The following ZBTB7C variants were observed in gnomAD, a reference collection of about 807,000 sequenced individuals.
ZBTB7C encodes the protein zinc finger and BTB domain containing 7C.
ZBTB7C carries 8 observed loss-of-function variants against 25.7 expected under a neutral mutation model. The ratio of observed to expected loss-of-function variants is 0.31; its 90% confidence interval spans 0.18 to 0.56. The LOEUF (loss-of-function observed/expected upper bound fraction) is 0.56. Among genes scored for constraint, ZBTB7C ranks in the 20% least tolerant of loss-of-function variants. The probability of loss-of-function intolerance (pLI) is 0.91; values close to 1 mark genes in which losing one functional copy is unlikely to be tolerated. For synonymous variants in ZBTB7C, 394 were observed against 369.0 expected, an observed-to-expected ratio of 1.07 and a Z score of -0.78; for missense variants, 824 against 855.2, an observed-to-expected ratio of 0.96 and a Z score of 0.46.
chr18:48,351,280 G>C (rs1456512806), intron 1 of ZBTB7C, among the ~76,000 whole-genome samples: 1 of 152,096 alleles, frequency 6.6e-6, no homozygotes, highest in Non-Finnish European at 1.5e-5. Context: ...GGAAGCCCTT[G>C]AGGATTGCTG....
At chr18:48,158,482 T>C (rs1019279887) in intron 3 of ZBTB7C, among the ~76,000 whole-genome samples, 3 of 152,034 alleles carry the variant, frequency 2.0e-5, no homozygotes, top group Non-Finnish European at 4.4e-5. Flanking sequence ...TCCCTGGTCC[T>C]TAATGTTCTC....
chr18:48,341,720 A>T (rs2046606264), intron 1 of ZBTB7C, among the ~76,000 whole-genome samples: 1 of 152,208 alleles, frequency 6.6e-6, no homozygotes, highest in African/African-American at 2.4e-5. Context: ...AGTTGGTCTA[A>T]TTCACCCATC....
At position 48,362,050 on chromosome 18, in the gene ZBTB7C, C is replaced by T. The variant is rs113764470; in HGVS notation, c.-303-23652G>A. ...CCATCACAGGGAAGGCAGGCTTGGG[C>T]ATGTCTCCTAGCAGATGAAGTGACT... On this transcript the variant is annotated intron_variant, in intron 1 of 4. Transcript: ENST00000590800. Among the ~76,000 whole-genome samples, 1,101 of 152,296 alleles carry T rather than the reference C, an allele frequency of 7.2e-3. 14 individuals carry two copies. The highest frequency in any genetic ancestry group is 0.025 in the African/African-American group (1,048 of 41,562).
chr18:48,076,220 A>C (rs1383977717), intron 3 of ZBTB7C, among the ~76,000 whole-genome samples: 1 of 152,198 alleles, frequency 6.6e-6, no homozygotes. Context: ...CTGTGACCTG[A>C]CTTTAGTTTT....
At chr18:48,142,776 G>C (rs990812690) in intron 3 of ZBTB7C, among the ~76,000 whole-genome samples, 13 of 146,666 alleles carry the variant, frequency 8.9e-5, no homozygotes, top group African/African-American at 3.3e-4. Context: ...AGGGGAGGCA[G>C]ATTCCCTCTT....
intron 3 of ZBTB7C, among the ~76,000 whole-genome samples, chr18:48,135,888 G>A (rs1473911253): frequency 1.3e-5 from 2 of 152,252 alleles, no homozygotes; most frequent in Non-Finnish European, 2.9e-5. Flanking sequence ...AGTCGCTGGA[G>A]TGGGGCTTCC....
intron 2 of ZBTB7C, among the ~76,000 whole-genome samples, chr18:48,215,031 A>G (rs1384584443): frequency 1.3e-5 from 2 of 152,228 alleles, no homozygotes; most frequent in African/African-American, 4.8e-5. Context: ...AAAACTCACA[A>G]TGTCACTAGT....
chr18:48,367,202 T>TATATATATATATATATATATATATAC (rs1302394192), intron 1 of ZBTB7C, among the ~76,000 whole-genome samples: 1 of 63,396 alleles, frequency 1.6e-5, no homozygotes, highest in African/African-American at 6.2e-5. Flanking sequence ...TATATATATA[T>TATATATATATATATATATATATATAC]ACACACACAC....
At chr18:48,093,295 A>G (rs2038489141) in intron 3 of ZBTB7C, among the ~76,000 whole-genome samples, 2 of 152,152 alleles carry the variant, frequency 1.3e-5, no homozygotes, top group South Asian at 4.1e-4. Flanking sequence ...AGCTCGCTCT[A>G]GCCCTCCCCC....
chr18:48,054,058 A>G (rs755253109), intron 3 of ZBTB7C, among the ~76,000 whole-genome samples: 21 of 152,322 alleles, frequency 1.4e-4, no homozygotes, highest in Non-Finnish European at 1.5e-4. Flanking sequence ...ATTTAAGTTC[A>G]ACGAATTTAG....
chr18:48,221,043 C>A (rs2042938703), intron 2 of ZBTB7C, among the ~76,000 whole-genome samples: 1 of 150,568 alleles, frequency 6.6e-6, no homozygotes, highest in African/African-American at 2.5e-5. Flanking sequence ...GTCCCAGTCT[C>A]CTCTATACTG....
chr18:48,270,689 C>CAAAAA (rs35344797), intron 2 of ZBTB7C, among the ~76,000 whole-genome samples: 1 of 88,276 alleles, frequency 1.1e-5, no homozygotes, highest in Non-Finnish European at 2.3e-5. Flanking sequence ...GACTCTGTCT[C>CAAAAA]AAAAAAAAAA....
chr18:48,046,806 C>T (rs2036486996), intron 3 of ZBTB7C, among the ~76,000 whole-genome samples: 1 of 152,292 alleles, frequency 6.6e-6, no homozygotes, highest in Middle Eastern at 3.4e-3. Context: ...GGAGGCCCTT[C>T]CACTTCTCTG....
At chr18:48,312,004 C>T (rs1238007463) in intron 2 of ZBTB7C, among the ~76,000 whole-genome samples, 1 of 152,230 alleles carries the variant, frequency 6.6e-6, no homozygotes, top group Non-Finnish European at 1.5e-5. Flanking sequence ...CTGTCCATCT[C>T]TCAGGGACAG....
intron 2 of ZBTB7C, among the ~76,000 whole-genome samples, chr18:48,234,195 C>A (rs1320914768): frequency 6.6e-6 from 1 of 151,666 alleles, no homozygotes; most frequent in African/African-American, 2.4e-5. Flanking sequence ...ACGCTATAGT[C>A]CACAAGCAGA....
chr18:48,134,435 C>T, intron 3 of ZBTB7C, among the ~76,000 whole-genome samples: 1 of 151,616 alleles, frequency 6.6e-6, no homozygotes, highest in South Asian at 2.1e-4. Flanking sequence ...CAGGAAATGG[C>T]ATTGTAAGTG....
intron 2 of ZBTB7C, among the ~76,000 whole-genome samples, chr18:48,308,849 T>A (rs1426503266): frequency 6.6e-6 from 1 of 152,182 alleles, no homozygotes; most frequent in African/African-American, 2.4e-5. Flanking sequence ...AATCTAAAAC[T>A]CTGGGGTGCA....
intron 3 of ZBTB7C, among the ~76,000 whole-genome samples, chr18:48,085,152 G>A (rs2038146428): frequency 6.6e-6 from 1 of 152,122 alleles, no homozygotes; most frequent in South Asian, 2.1e-4. Flanking sequence ...TTTACGGCAG[G>A]GCGGGTGGGG....
chr18:48,229,439 G>T (rs2043192402), intron 2 of ZBTB7C, among the ~76,000 whole-genome samples: 1 of 152,128 alleles, frequency 6.6e-6, no homozygotes. Context: ...CAGCTCTAAG[G>T]AGAAATCTGC....
Sources: allele counts gnomAD v4.1 joint callset (sites outside exome capture counted in the v4.1 genomes callset), GRCh38; gene constraint gnomAD v4.1.1; transcripts MANE v1.5; gene names NCBI Gene and HGNC (gene_info 2026-07-23, HGNC 2026-07-21).